The following JARID2 variants were observed in gnomAD, a reference collection of about 807,000 sequenced individuals.
The protein encoded by JARID2 is protein Jumonji.
A neutral mutation model predicts 125.6 loss-of-function variants in JARID2; 21 were observed. That is an observed-to-expected ratio of 0.17 (90% CI 0.12 to 0.24). JARID2 has a LOEUF of 0.24. Among genes scored for constraint, JARID2 ranks in the 10% least tolerant of loss-of-function variants. The probability of loss-of-function intolerance (pLI) is 1.00; values close to 1 mark genes in which losing one functional copy is unlikely to be tolerated. For synonymous variants in JARID2, 736 were observed against 661.6 expected (o/e 1.11, Z -1.73); for missense variants, 1,303 against 1,639.6 (o/e 0.79, Z 3.55).
chr6:15,403,256 G>T (rs1765508120), intron 2 of JARID2, among the ~76,000 whole-genome samples: 1 of 152,170 alleles, frequency 6.6e-6, no homozygotes, highest in Non-Finnish European at 1.5e-5. Context: ...GTTTTGTGTT[G>T]AATAAAGTTA....
At chr6:15,261,351 G>GTGGCC (rs919981975) in intron 1 of JARID2, among the ~76,000 whole-genome samples, 2 of 130,240 alleles carry the variant, frequency 1.5e-5, no homozygotes, top group African/African-American at 6.2e-5. Flanking sequence ...GTCTTGCTCT[G>GTGGCC]TGGCCTGGGC....
At chr6:15,270,814 A>C (rs1395665315) in intron 1 of JARID2, among the ~76,000 whole-genome samples, 1 of 151,948 alleles carries the variant, frequency 6.6e-6, no homozygotes, top group Non-Finnish European at 1.5e-5. Flanking sequence ...GGTGGTGCAC[A>C]CCTGTAATCC....
At chr6:15,516,718 G>T (rs1263348501) in intron 16 of JARID2, among the ~76,000 whole-genome samples, 1 of 152,230 alleles carries the variant, frequency 6.6e-6, no homozygotes, top group African/African-American at 2.4e-5. Context: ...GGCCGCCTAA[G>T]TTGGAGTCCT....
Position 15,468,708 on chromosome 6 carries a change from C to T in JARID2, c.660C>T (p.His220=). ...AAGGAAAAACCCACAAACATGTTCA[C>T]AACGGGCATGGTAGGTCCACCGTTG... The part of the protein sequence containing the change: ...PRKGKTHKHV[H]NGHVFNGSSR... Residue 220 remains histidine, a synonymous_variant, in exon 5 of 18, where the codon CAC becomes CAT. Coordinates refer to ENST00000341776, the MANE Select transcript of JARID2 (RefSeq NM_004973.4). The T allele has an allele frequency of 6.2e-7, 1 of 1,612,262 alleles. No individual in the cohort carries two copies. Among genetic ancestry groups the T allele is most frequent in the Non-Finnish European group, 8.5e-7 (1 of 1,179,140 alleles).
chr6:15,327,842 G>A (rs7765425), intron 1 of JARID2, among the ~76,000 whole-genome samples: 12,875 of 152,156 alleles, frequency 0.085, 749 homozygotes, highest in African/African-American at 0.16. Context: ...GTCCTTCAAG[G>A]CTCAATGTTA....
intron 2 of JARID2, among the ~76,000 whole-genome samples, chr6:15,393,183 T>C (rs895084756): frequency 6.9e-6 from 1 of 145,406 alleles, no homozygotes; most frequent in African/African-American, 2.6e-5. Context: ...TGGTGTGTTA[T>C]GTAGACAATT....
At chr6:15,347,848 C>T (rs892996350) in intron 1 of JARID2, among the ~76,000 whole-genome samples, 1 of 152,052 alleles carries the variant, frequency 6.6e-6, no homozygotes, top group African/African-American at 2.4e-5. Flanking sequence ...CTCACAATAG[C>T]CTCTACCTTC....
intron 7 of JARID2, among the ~76,000 whole-genome samples, chr6:15,499,290 C>T (rs557184285): frequency 2.0e-4 from 31 of 152,238 alleles, no homozygotes; most frequent in Middle Eastern, 6.8e-3. Context: ...TCACTTCCAC[C>T]GCAGGTCCCA....
chr6:15,413,008 G>GTTTTTGTTTTTTTT (rs1765958811), intron 3 of JARID2, among the ~76,000 whole-genome samples: 23 of 47,490 alleles, frequency 4.8e-4, no homozygotes, highest in South Asian at 6.6e-4. Context: ...TTGTGTTTTT[G>GTTTTTGTTTTTTTT]TTTTTTTTTT....
chr6:15,368,537 T>A (rs532937371), intron 1 of JARID2, among the ~76,000 whole-genome samples: 2 of 152,348 alleles, frequency 1.3e-5, no homozygotes, highest in East Asian at 3.9e-4. Context: ...GTAATTTGAA[T>A]GTATATTTAA....
intron 3 of JARID2, among the ~76,000 whole-genome samples, chr6:15,448,018 T>G (rs1561869014): frequency 6.6e-6 from 1 of 152,246 alleles, no homozygotes. Flanking sequence ...TCTTTGGTTG[T>G]ATGGGGCTCT....
At chr6:15,410,130 C>T (rs191143368) in intron 2 of JARID2, 94 bp from the exon 3 acceptor site, 2 of 1,153,346 alleles carry the variant, frequency 1.7e-6, no homozygotes, top group Non-Finnish European at 2.4e-6. Flanking sequence ...ACATTCTTGT[C>T]TGTCTTCATC....
chr6:15,500,900 G>C lies in JARID2; in HGVS notation c.1946-7G>C. On this transcript the variant is annotated splice_polypyrimidine_tract_variant and splice_region_variant and intron_variant, in intron 7 of 17. Coordinates refer to ENST00000341776, the MANE Select transcript of JARID2 (RefSeq NM_004973.4). The stretch of plus-strand genomic sequence containing the variant: ...CTGTCCCGTTTTTTTCCCCTTCGCT[G>C]TCCCAGGGGGCTGTGAGCTCGACCT... The C allele has an allele frequency of 6.3e-7, 1 of 1,589,582 alleles. No homozygotes were observed. Among genetic ancestry groups the C allele is most frequent in the Non-Finnish European group, 8.6e-7 (1 of 1,167,414 alleles).
At chr6:15,510,400 T>G (rs1244176101) in intron 12 of JARID2, among the ~76,000 whole-genome samples, 2 of 152,062 alleles carry the variant, frequency 1.3e-5, no homozygotes, top group Non-Finnish European at 1.5e-5. Flanking sequence ...ACGTTGTGAG[T>G]GGAAGTGTGG....
chr6:15,511,098 G>C (rs1771255983), intron 12 of JARID2, among the ~76,000 whole-genome samples, 198 bp from the exon 13 acceptor site: 1 of 152,238 alleles, frequency 6.6e-6, no homozygotes, highest in South Asian at 2.1e-4. Context: ...CTGTGTGCTA[G>C]GTGGACGTGG....
chr6:15,507,453 TGTCCATGA>T, intron 11 of JARID2, 37 bp downstream of exon 11: 1 of 1,568,124 alleles, frequency 6.4e-7, no homozygotes, highest in South Asian at 1.1e-5. Context: ...GTGGCAGCTG[TGTCCATGA>T]GTCCTACTTG....
rs376515386 is a variant in JARID2 at position 15,338,411 on chromosome 6, G to A, written c.46-35706G>A. ...CTGCACAAAGGTTTAGCCAAATTAC[G>A]ATTTACAGAAAGGACTGGCTTGGCT... On this transcript the variant is annotated intron_variant, in intron 1 of 17. Transcript: ENST00000341776. Among the ~76,000 whole-genome samples, 402 of 152,296 alleles carry A rather than the reference G, an allele frequency of 2.6e-3. 1 individual carries two copies. The highest frequency in any genetic ancestry group is 9.2e-3 in the African/African-American group (382 of 41,542).
At chr6:15,255,082 C>T (rs1350268008) in intron 1 of JARID2, among the ~76,000 whole-genome samples, 2 of 150,950 alleles carry the variant, frequency 1.3e-5, no homozygotes, top group Non-Finnish European at 2.9e-5. Context: ...CACAGTTTTG[C>T]CCCTCCATAC....
chr6:15,448,791 T>A (rs1164056852), intron 3 of JARID2, among the ~76,000 whole-genome samples: 1 of 152,100 alleles, frequency 6.6e-6, no homozygotes, highest in Non-Finnish European at 1.5e-5. Flanking sequence ...TGACACTGTG[T>A]GCTCGAGACC....
Sources: gnomAD v4.1 joint callset for allele counts (sites outside exome capture counted in the v4.1 genomes callset) on GRCh38, gnomAD v4.1.1 for gene constraint, MANE v1.5 for transcripts, NCBI Gene and HGNC (gene_info 2026-07-23, HGNC 2026-07-21) for gene names.